COL5A1: variants seen among roughly 807,000 people sequenced by gnomAD.
COL5A1 encodes collagen alpha-1(V) chain.
COL5A1 carries 16 observed loss-of-function variants against 263.7 expected under a neutral mutation model. The ratio of observed to expected loss-of-function variants is 0.06; its 90% CI spans 0.04 to 0.09. COL5A1 has a LOEUF of 0.09. Ranked by LOEUF, COL5A1 falls within the 10% of genes least tolerant of loss-of-function variation. The pLI is 1.00. For synonymous variants in COL5A1, 1,012 were observed against 1,004.5 expected, an observed-to-expected ratio of 1.01 and a Z score of -0.14; for missense variants, 2,036 against 2,540.5, an observed-to-expected ratio of 0.80 and a Z score of 4.27.
At chr9:134,772,452 T>A (rs1327417916) in intron 25 of COL5A1, among the ~76,000 whole-genome samples, 1 of 152,202 alleles carries the variant, frequency 6.6e-6, no homozygotes, top group African/African-American at 2.4e-5. Flanking sequence ...GCGGGCTGGC[T>A]CTGGCCGGGT....
chr9:134,796,777 C>G (rs1041028156), intron 35 of COL5A1, 71 bp from the exon 36 acceptor site: 1 of 1,406,056 alleles, frequency 7.1e-7, no homozygotes, highest in East Asian at 2.3e-5. Flanking sequence ...GCCACCGGCA[C>G]AGGCAGGTCA....
intron 1 of COL5A1, among the ~76,000 whole-genome samples, chr9:134,662,487 C>T (rs1251885859): frequency 3.3e-5 from 5 of 152,264 alleles, no homozygotes. Flanking sequence ...GCCTCCCCAG[C>T]ACCCTTCCTG....
intron 65 of COL5A1, among the ~76,000 whole-genome samples, chr9:134,836,265 A>G (rs1456730418): frequency 1.3e-5 from 2 of 151,408 alleles, no homozygotes; most frequent in African/African-American, 4.9e-5. Flanking sequence ...GGGAAGGTGA[A>G]GGGGCCAGTG....
chr9:134,671,185 A>ACAGCTCC (rs1361694073), intron 1 of COL5A1, among the ~76,000 whole-genome samples: 1 of 152,184 alleles, frequency 6.6e-6, no homozygotes, highest in African/African-American at 2.4e-5. Flanking sequence ...AGCTGTTCAG[A>ACAGCTCC]CAGCTCCTGC....
intron 18 of COL5A1, among the ~76,000 whole-genome samples, chr9:134,759,020 G>A (rs1457986556): frequency 6.6e-6 from 1 of 152,118 alleles, no homozygotes; most frequent in South Asian, 2.1e-4. Flanking sequence ...GGTGTGGTGG[G>A]GAAGGCTCGT....
chr9:134,672,567 A>G (rs541828446), intron 1 of COL5A1, among the ~76,000 whole-genome samples: 2 of 152,366 alleles, frequency 1.3e-5, no homozygotes, highest in African/African-American at 4.8e-5. Flanking sequence ...AAGGACATTC[A>G]TGTAAAATCC....
intron 9 of COL5A1, among the ~76,000 whole-genome samples, chr9:134,736,148 G>A (rs955060291): frequency 7.9e-5 from 12 of 152,180 alleles, no homozygotes; most frequent in South Asian, 2.1e-4. Context: ...AGCAGCCTCC[G>A]GTGGCCTGTG....
In COL5A1 at chr9:134,822,112, T is replaced by G; in HGVS notation, c.4570T>G (p.Ser1524Ala). The change falls in exon 59 of 66, where the codon TCT (serine) becomes GCT (alanine). Residue 1524 changes from serine (S) to alanine (A), a missense_variant. Ser to Ala is a moderately conservative substitution (Grantham distance 99). This residue lies in a region of COL5A1 where 1,078 missense variants were observed against 1,521.4 expected (regional missense o/e 0.71). Coordinates refer to ENST00000371817, the MANE Select transcript of COL5A1 (RefSeq NM_000093.5). ...TCCTTTTCAGGGTATCACTGGTCCT[T>G]CTGGCCCGATTGGGCCTCCTGGGCC... The part of the protein sequence containing the change: ...PKGEQGITGP[S>A]GPIGPPGPPG... 1.9e-6 allele frequency: 3 copies of G among 1,613,422 alleles called. No homozygotes were observed. Among genetic ancestry groups the G allele is most frequent in the Non-Finnish European group, 2.5e-6 (3 of 1,179,646 alleles).
Position 134,842,032 on chromosome 9 carries a change from GCCCT to G in COL5A1, c.5371-124_5371-121del. On this transcript the variant is annotated intron_variant, in intron 65 of 65. Transcript: ENST00000371817. The surrounding 1 kb of genome is among the most constrained non-coding windows in gnomAD (Gnocchi z 5.8). ...TCCAACACTTGCCCGGGCAAGCGCA[GCCCT>G]GGGTAGGAGACAGGACACCAGCCTG... 3.6e-6 allele frequency: 4 copies of G among 1,102,210 alleles called. No individual in the cohort carries two copies. The highest frequency in any genetic ancestry group is 5.5e-6 in the Non-Finnish European group (4 of 733,812). 68.3% of individuals were successfully genotyped at this position (1,102,210 alleles called of 1,614,324 possible). A position where few individuals can be genotyped will look rare whatever the true frequency, so the allele number is the denominator to read the frequency against.
In COL5A1 at chr9:134,716,470, A is replaced by G. The variant is rs1048017227; in HGVS notation, c.655-10796A>G. On this transcript the variant is annotated intron_variant, in intron 4 of 65. Coordinates refer to ENST00000371817, the MANE Select transcript of COL5A1 (RefSeq NM_000093.5). The surrounding 1 kb of genome is among the most constrained non-coding windows in gnomAD (Gnocchi z 4.5). Reference sequence around the variant, plus strand: ...CTGCTCCGAAAGTCAAGATGTGGAGAAGGAGCAGCTCAAGCGTGCACTGCC... The same window carrying G: ...CTGCTCCGAAAGTCAAGATGTGGAGGAGGAGCAGCTCAAGCGTGCACTGCC... Among the ~76,000 whole-genome samples the G allele has an allele frequency of 2.0e-5, 3 of 152,112 alleles. No homozygotes were observed. Among genetic ancestry groups the G allele is most frequent in the Non-Finnish European group, 4.4e-5 (3 of 68,018 alleles).
intron 18 of COL5A1, among the ~76,000 whole-genome samples, chr9:134,760,671 T>C (rs1272867144): frequency 6.1e-5 from 4 of 65,848 alleles, no homozygotes; most frequent in Non-Finnish European, 7.9e-5. Flanking sequence ...ACACCACACA[T>C]GCACACCCCC....
Position 134,647,588 on chromosome 9 carries a change from G to A in COL5A1, c.109+5292G>A, listed in dbSNP as rs1564362990. 6.6e-6 allele frequency among the ~76,000 whole-genome samples: 1 copy of A among 152,186 alleles called. No individual in the cohort carries two copies. The highest frequency in any genetic ancestry group is 1.5e-5 in the Non-Finnish European group (1 of 68,030). Reference sequence around the variant, plus strand: ...GTGTTTGAGGAGCTCGTGGCAGGGCGACGTTTCTCTCCTTACCGTGACCCG... The same window carrying A: ...GTGTTTGAGGAGCTCGTGGCAGGGCAACGTTTCTCTCCTTACCGTGACCCG... On this transcript the variant is annotated intron_variant, in intron 1 of 65. Coordinates refer to ENST00000371817, the MANE Select transcript of COL5A1 (RefSeq NM_000093.5). This position sits in a 1 kb window ranked among gnomAD's most constrained non-coding sequence, Gnocchi z 5.0.
Position 134,759,505 on chromosome 9 carries a change from GCA to G in COL5A1, c.1935+1218_1935+1219del, listed in dbSNP as rs200525031. Among the ~76,000 whole-genome samples, 534 of 97,328 alleles carry G rather than the reference GCA, an allele frequency of 5.5e-3. 25 individuals carry two copies. Among genetic ancestry groups the G allele is most frequent in the African/African-American group, 0.021 (431 of 20,972 alleles). 63.9% of individuals were successfully genotyped at this position (97,328 alleles called of 152,430 possible). A position where few individuals can be genotyped will look rare whatever the true frequency, so the allele number is the denominator to read the frequency against. The stretch of plus-strand genomic sequence containing the variant: ...CACACACCCACACTCATACACACAT[GCA>G]CACACACATACACACACCACATACA... On this transcript the variant is annotated intron_variant, in intron 18 of 65. Transcript: ENST00000371817.
At chr9:134,708,422 G>GGGC in intron 4 of COL5A1, 1 of 408,450 alleles carries the variant, frequency 2.4e-6, no homozygotes, top group African/African-American at 2.1e-5. Context: ...CAACTCCCGG[G>GGGC]GTGGGGGCTC....
chr9:134,823,860 ATG>A (rs5901054), intron 61 of COL5A1, among the ~76,000 whole-genome samples: 44,041 of 151,982 alleles, frequency 0.29, 7,379 homozygotes, highest in South Asian at 0.37. Context: ...TTGTATGTGC[ATG>A]TGTGTGTGCA....
In COL5A1 at chr9:134,797,187, T is replaced by TTC. The variant is rs10636721; in HGVS notation, c.2898+290_2898+291dup. On this transcript the variant is annotated intron_variant, in intron 36 of 65. Coordinates refer to ENST00000371817, the MANE Select transcript of COL5A1 (RefSeq NM_000093.5). ...CTCTCTCCTTGAGACTGAAGTGATT[T>TTC]TCTCTGAGTTCTGTGTTAGTGCCCT... Among the ~76,000 whole-genome samples the TTC allele has an allele frequency of 0.15, 22,161 of 152,252 alleles. 2,253 individuals are homozygous for TTC. Among genetic ancestry groups the TTC allele is most frequent in the African/African-American group, 0.29 (12,096 of 41,528 alleles).
At chr9:134,752,849 G>A (rs978855746) in intron 14 of COL5A1, among the ~76,000 whole-genome samples, 14 of 152,126 alleles carry the variant, frequency 9.2e-5, no homozygotes, top group African/African-American at 3.4e-4. Context: ...GGGGGGTGGG[G>A]ATGGGTGACT....
rs1436336787 is a variant in COL5A1 at position 134,642,147 on chromosome 9, C to T, written c.-41C>T. On this transcript the variant is annotated 5_prime_UTR_variant, in exon 1 of 66. Coordinates refer to ENST00000371817, the MANE Select transcript of COL5A1 (RefSeq NM_000093.5). This position sits in a 1 kb window ranked among gnomAD's most constrained non-coding sequence, Gnocchi z 4.5. Reference sequence around the variant, plus strand: ...CGCGCCCCTGTGCGTCCCCGCGCGCCTCCGAGCGCCCCTGTGCGCCCCGGC... The same window carrying T: ...CGCGCCCCTGTGCGTCCCCGCGCGCTTCCGAGCGCCCCTGTGCGCCCCGGC... 8.1e-7 allele frequency: 1 copy of T among 1,237,980 alleles called. No individual in the cohort carries two copies. The highest frequency in any genetic ancestry group is 3.2e-5 in the East Asian group (1 of 31,450). The allele number at this position is 1,237,980 out of a possible 1,614,324, so 76.7% of individuals were successfully genotyped here.
chr9:134,788,055 A>C (rs1837526098), intron 31 of COL5A1, among the ~76,000 whole-genome samples: 1 of 151,826 alleles, frequency 6.6e-6, no homozygotes, highest in Non-Finnish European at 1.5e-5. Context: ...GTGTGTAGGC[A>C]GATGGATAGA....
Sources: allele counts gnomAD v4.1 joint callset (sites outside exome capture counted in the v4.1 genomes callset), GRCh38; gene constraint gnomAD v4.1.1; regional missense constraint gnomAD v4.1.1; non-coding constraint Gnocchi (gnomAD v3.1); transcripts MANE v1.5; gene names NCBI Gene and HGNC (gene_info 2026-07-23, HGNC 2026-07-21).